Variants in ASS1 observed in about 807,000 individuals in gnomAD.
The protein encoded by ASS1 is argininosuccinate synthase.
A neutral mutation model predicts 60.5 loss-of-function variants in ASS1; 58 were observed. The observed-to-expected ratio is 0.96, with a 90% confidence interval of 0.78 to 1.19. ASS1 has a LOEUF of 1.19. Among genes scored for constraint, ASS1 ranks in the 50% most tolerant of loss-of-function variants. The pLI is 0.00. For missense variants in ASS1, 454 were observed against 547.3 expected (o/e 0.83, Z 1.70); for synonymous variants, 200 against 206.9 (o/e 0.97, Z 0.29).
chr9:130,447,611 A>G (rs1407246105), intron 1 of ASS1, among the ~76,000 whole-genome samples: 1 of 152,168 alleles, frequency 6.6e-6, no homozygotes, highest in Admixed American at 6.5e-5. Flanking sequence ...GCTGGAGGGC[A>G]GTGGGCATTT....
intron 1 of ASS1, among the ~76,000 whole-genome samples, chr9:130,447,554 G>T (rs545101576): frequency 6.6e-6 from 1 of 152,238 alleles, no homozygotes; most frequent in Admixed American, 6.5e-5. Flanking sequence ...GTACCTTGAC[G>T]CGAGGCCACC....
intron 1 of ASS1, chr9:130,452,004 C>G: frequency 3.0e-6 from 2 of 674,530 alleles, no homozygotes; most frequent in Non-Finnish European, 5.5e-6. Flanking sequence ...CATTCCCAGG[C>G]CCCAGTGTGG....
In ASS1 at chr9:130,478,707, A is replaced by G. The variant is rs1588494159; in HGVS notation, c.689-1009A>G. On this transcript the variant is annotated intron_variant, in intron 9 of 14. Transcript: ENST00000352480. The surrounding 1 kb of genome is among the most constrained non-coding windows in gnomAD (Gnocchi z 4.7). Reference sequence around the variant, plus strand: ...GCCGATAATAGGACCGGGGAGGGAGAGAAAGGGAGAGAGGAGAGGCGGGGG... The same window carrying G: ...GCCGATAATAGGACCGGGGAGGGAGGGAAAGGGAGAGAGGAGAGGCGGGGG... 6.6e-6 allele frequency among the ~76,000 whole-genome samples: 1 copy of G among 152,234 alleles called. No individual in the cohort carries two copies. The highest frequency in any genetic ancestry group is 1.5e-5 in the Non-Finnish European group (1 of 68,004).
chr9:130,445,313 T>C (rs1289911152), intron 1 of ASS1: 1 of 866,284 alleles, frequency 1.2e-6, no homozygotes. Flanking sequence ...CTTTCTGGAC[T>C]CCTTGTCGGA....
At chr9:130,458,309 T>C (rs528125937) in intron 3 of ASS1, 92 bp from the exon 4 acceptor site, 4 of 1,477,126 alleles carry the variant, frequency 2.7e-6, no homozygotes, top group Admixed American at 1.7e-5. Flanking sequence ...TGGCCCCGTA[T>C]AGGTCTCAGC....
intron 1 of ASS1, chr9:130,451,721 A>G: frequency 2.5e-6 from 1 of 402,694 alleles, no homozygotes; most frequent in Non-Finnish European, 5.0e-6. Flanking sequence ...GACAACTCCT[A>G]CTTCATGAGG....
intron 6 of ASS1, among the ~76,000 whole-genome samples, chr9:130,467,535 C>T (rs1358115404): frequency 6.6e-6 from 1 of 152,076 alleles, no homozygotes; most frequent in East Asian, 1.9e-4. Context: ...GCCAAGGTGC[C>T]GCGTGGTAGG....
intron 10 of ASS1, 147 bp downstream of exon 10, chr9:130,479,947 G>T (rs756285646): frequency 1.1e-6 from 1 of 947,142 alleles, no homozygotes. Context: ...AGAGTTTCCC[G>T]GACCAGGGGG....
intron 8 of ASS1, among the ~76,000 whole-genome samples, chr9:130,475,210 C>A (rs1256706855): frequency 6.6e-6 from 1 of 152,190 alleles, no homozygotes; most frequent in Non-Finnish European, 1.5e-5. Context: ...TAGCCCCATC[C>A]CATGCAGAAT....
intron 11 of ASS1, among the ~76,000 whole-genome samples, chr9:130,482,750 G>A (rs1160046856): frequency 6.6e-6 from 1 of 152,182 alleles, no homozygotes; most frequent in Non-Finnish European, 1.5e-5. Context: ...AAAGCCATGA[G>A]ATCAACAGTC....
chr9:130,449,363 A>AT (rs1686539206), intron 1 of ASS1, among the ~76,000 whole-genome samples: 1 of 140,426 alleles, frequency 7.1e-6, no homozygotes, highest in Non-Finnish European at 1.5e-5. Context: ...AAAAAAAAAA[A>AT]GGATACAGCT....
chr9:130,470,799 G>A lies in ASS1; in HGVS notation c.496-35G>A, dbSNP rs368140396. On this transcript the variant is annotated intron_variant, in intron 6 of 14. Transcript: ENST00000352480. The surrounding 1 kb of genome is among the most constrained non-coding windows in gnomAD (Gnocchi z 4.3). ...ACGGACCTCACGCGTCCTTCCAGCC[G>A]CCTTACCTCCACCTGTGCTGTCTCT... 8.1e-6 allele frequency: 13 copies of A among 1,608,290 alleles called. No individual in the cohort carries two copies. Among genetic ancestry groups the A allele is most frequent in the Admixed American group, 6.7e-5 (4 of 59,998 alleles).
intron 12 of ASS1, among the ~76,000 whole-genome samples, chr9:130,492,610 C>CA (rs140178877): frequency 0.011 from 1,729 of 152,332 alleles, 43 homozygotes; most frequent in African/African-American, 0.039. Flanking sequence ...ACCCCAGCTT[C>CA]AGGACCCTGG....
intron 5 of ASS1, among the ~76,000 whole-genome samples, chr9:130,465,517 C>T (rs950876160): frequency 2.6e-5 from 4 of 152,250 alleles, no homozygotes; most frequent in African/African-American, 9.6e-5. Flanking sequence ...GCATGTCTCG[C>T]TAGCTGGCTG....
intron 12 of ASS1, among the ~76,000 whole-genome samples, chr9:130,490,114 G>A (rs1226561395): frequency 1.3e-5 from 2 of 152,178 alleles, no homozygotes; most frequent in African/African-American, 4.8e-5. Flanking sequence ...CAGCACCTGA[G>A]GCGGGGGTGT....
Position 130,494,801 on chromosome 9 carries a change from C to T in ASS1, c.971-66C>T. 6.3e-7 allele frequency: 1 copy of T among 1,594,116 alleles called. No homozygotes were observed. Among genetic ancestry groups the T allele is most frequent in the Non-Finnish European group, 8.6e-7 (1 of 1,163,386 alleles). On this transcript the variant is annotated intron_variant, in intron 12 of 14. Transcript: ENST00000352480. This position sits in a 1 kb window ranked among gnomAD's most constrained non-coding sequence, Gnocchi z 4.3. ...ACCATGGGGCACCCTTCCTGTGCCC[C>T]AGGTCTCCCTGTGTCCTCGCGGTGC...
At position 130,470,877 on chromosome 9, in the gene ASS1, G is replaced by A. The variant is rs121908638; in HGVS notation, c.539G>A (p.Ser180Asn). The A allele has an allele frequency of 8.5e-5, 137 of 1,614,008 alleles. No individual in the cohort carries two copies. The highest frequency in any genetic ancestry group is 1.0e-4 in the Non-Finnish European group (123 of 1,180,036). ...CCGGTCACTCCCAAGAACCCGTGGA[G>A]CATGGATGAGAACCTCATGCACATC... Reference protein sequence around the residue: ...PIPVTPKNPWSMDENLMHISY... With the variant: ...PIPVTPKNPWNMDENLMHISY... Residue 180 changes from serine (S) to asparagine (N), a missense_variant, in exon 7 of 15, where the codon AGC (serine) becomes AAC (asparagine). By Grantham distance (46) the Ser-to-Asn change is conservative. Transcript: ENST00000352480. This position sits in a 1 kb window ranked among gnomAD's most constrained non-coding sequence, Gnocchi z 4.3.
intron 1 of ASS1, among the ~76,000 whole-genome samples, chr9:130,446,806 T>C (rs1182542290): frequency 6.6e-6 from 1 of 152,158 alleles, no homozygotes; most frequent in Admixed American, 6.5e-5. Flanking sequence ...GTCCCTGAAG[T>C]CAGTGGCTTG....
At chr9:130,483,054 A>G (rs1846209075) in intron 11 of ASS1, among the ~76,000 whole-genome samples, 2 of 152,248 alleles carry the variant, frequency 1.3e-5, no homozygotes, top group South Asian at 4.2e-4. Flanking sequence ...GGTTGGGGAG[A>G]GAAGACAAAG....
Sources: gnomAD v4.1 joint callset for allele counts (sites outside exome capture counted in the v4.1 genomes callset) on GRCh38, gnomAD v4.1.1 for gene constraint, Gnocchi (gnomAD v3.1) non-coding constraint, MANE v1.5 for transcripts, NCBI Gene and HGNC (gene_info 2026-07-23, HGNC 2026-07-21) for gene names.